The following ACVR2A variants were observed in gnomAD, a reference collection of about 807,000 sequenced individuals.
ACVR2A encodes activin A receptor type 2A, also known as activin receptor type-2A.
In ACVR2A, 7 loss-of-function variants were observed where a neutral mutation model predicts 61.4. The observed-to-expected ratio is 0.11, with a 90% CI of 0.06 to 0.21. The LOEUF is 0.21. ACVR2A is among the 10% of genes least tolerant of loss of function. The probability of loss-of-function intolerance (pLI) is 1.00; values close to 1 mark genes in which losing one functional copy is unlikely to be tolerated. For synonymous variants in ACVR2A, 193 were observed against 208.3 expected, an observed-to-expected ratio of 0.93 and a Z score of 0.63; for missense variants, 322 against 621.7, an observed-to-expected ratio of 0.52 and a Z score of 5.13.
rs1687441835 is a variant in ACVR2A at position 147,923,835 on chromosome 2, T to C, written c.1216+724T>C. ...TCTTAAGTTCTAATTTATAATTGCC[T>C]AAAAACTTCCTGTGATTGTCAAAGA... On this transcript the variant is annotated intron_variant, in intron 9 of 10. Transcript: ENST00000241416. Among the ~76,000 whole-genome samples, 2 of 152,116 alleles carry C rather than the reference T, an allele frequency of 1.3e-5. 1 individual carries two copies. Among genetic ancestry groups the C allele is most frequent in the South Asian group, 4.1e-4 (2 of 4,828 alleles).
chr2:147,874,148 T>C lies in ACVR2A; in HGVS notation c.56-22153T>C, dbSNP rs192662384. ...AGTGAAATAAGATAGGACCTAGTGA[T>C]AGGGACTTTGGTCACAGTATATAAG... On this transcript the variant is annotated intron_variant, in intron 1 of 10. Coordinates refer to ENST00000241416, the MANE Select transcript of ACVR2A (RefSeq NM_001616.5). 3.3e-5 allele frequency among the ~76,000 whole-genome samples: 5 copies of C among 152,010 alleles called. No homozygotes were observed. The East Asian group carries it at 9.6e-4, about 29-fold the overall frequency.
chr2:147,878,746 A>G (rs1306711129), intron 1 of ACVR2A, among the ~76,000 whole-genome samples: 1 of 151,848 alleles, frequency 6.6e-6, no homozygotes, highest in Non-Finnish European at 1.5e-5. Flanking sequence ...CTGTCTCTAC[A>G]AAAAAATACA....
intron 7 of ACVR2A, among the ~76,000 whole-genome samples, chr2:147,919,767 A>G (rs936947729): frequency 4.6e-5 from 7 of 152,182 alleles, no homozygotes; most frequent in Non-Finnish European, 8.8e-5. Context: ...GTGGAAGAAT[A>G]TAAGAACCTC....
chr2:147,847,975 TG>T (rs1227678148), intron 1 of ACVR2A, among the ~76,000 whole-genome samples: 3 of 152,312 alleles, frequency 2.0e-5, no homozygotes, highest in African/African-American at 7.2e-5. Flanking sequence ...AGAATTCCTT[TG>T]GATTTTGTGG....
At chr2:147,908,672 T>C (rs1687046568) in intron 4 of ACVR2A, among the ~76,000 whole-genome samples, 1 of 152,158 alleles carries the variant, frequency 6.6e-6, no homozygotes, top group Non-Finnish European at 1.5e-5. Context: ...TTTAAAATGG[T>C]AAAATTTCTT....
intron 7 of ACVR2A, among the ~76,000 whole-genome samples, chr2:147,919,222 C>CTTAGCTGAGTGCCACCA (rs1364347974): frequency 5.9e-5 from 9 of 152,140 alleles, no homozygotes; most frequent in Admixed American, 5.9e-4. Flanking sequence ...AGAACAGATA[C>CTTAGCTGAGTGCCACCA]TTAGCTGAGT....
chr2:147,921,351 C>T (rs773698372), intron 8 of ACVR2A, among the ~76,000 whole-genome samples: 1 of 152,114 alleles, frequency 6.6e-6, no homozygotes, highest in East Asian at 1.9e-4. Context: ...ACCTTTTAAT[C>T]AGGGAAACCA....
chr2:147,870,406 C>T (rs1021280022), intron 1 of ACVR2A, among the ~76,000 whole-genome samples: 1 of 152,058 alleles, frequency 6.6e-6, no homozygotes, highest in African/African-American at 2.4e-5. Context: ...GTATACCTTG[C>T]CACAATGCTG....
chr2:147,849,178 C>T (rs1209857843), intron 1 of ACVR2A, among the ~76,000 whole-genome samples: 3 of 152,076 alleles, frequency 2.0e-5, no homozygotes, highest in Non-Finnish European at 4.4e-5. Context: ...ACTGCATGTT[C>T]CTGGACATAA....
chr2:147,851,566 A>G (rs13028411), intron 1 of ACVR2A, among the ~76,000 whole-genome samples: 50,072 of 151,882 alleles, frequency 0.33, 8,518 homozygotes, highest in East Asian at 0.52. Flanking sequence ...CTTTGTACAT[A>G]TTACTCTTCC....
At chr2:147,870,002 TAA>T (rs1359722426) in intron 1 of ACVR2A, among the ~76,000 whole-genome samples, 5 of 148,334 alleles carry the variant, frequency 3.4e-5, no homozygotes, top group Admixed American at 6.8e-5. Context: ...AATGTCAGAG[TAA>T]AAGAGTTGGA....
At position 147,868,372 on chromosome 2, in the gene ACVR2A, A is replaced by AG. The variant is rs1211368909; in HGVS notation, c.55+23165_55+23166insG. Among the ~76,000 whole-genome samples the AG allele has an allele frequency of 6.6e-5, 10 of 152,314 alleles. No individual in the cohort carries two copies. In the East Asian group the frequency reaches 1.9e-3, roughly 29 times the overall value. ...GAAGAAGTGGAAAATGTAATGGCAGATAACGTTAGAAAAATAAGTTGGGCA... is the reference window on the plus strand; with the variant it reads ...GAAGAAGTGGAAAATGTAATGGCAGAGTAACGTTAGAAAAATAAGTTGGGCA... On this transcript the variant is annotated intron_variant, in intron 1 of 10. Transcript: ENST00000241416.
intron 1 of ACVR2A, among the ~76,000 whole-genome samples, chr2:147,863,268 A>G (rs927856274): frequency 6.6e-6 from 1 of 152,198 alleles, no homozygotes; most frequent in Non-Finnish European, 1.5e-5. Context: ...ATGATGTGGT[A>G]AAAACTGCTG....
chr2:147,884,984 A>C (rs185154900), intron 1 of ACVR2A, among the ~76,000 whole-genome samples: 217 of 152,236 alleles, frequency 1.4e-3, no homozygotes, highest in African/African-American at 4.9e-3. Flanking sequence ...CTGGTTATTC[A>C]CAACCCTGTT....
chr2:147,905,581 T>A (rs1686970284), intron 4 of ACVR2A, among the ~76,000 whole-genome samples: 1 of 152,096 alleles, frequency 6.6e-6, no homozygotes, highest in Non-Finnish European at 1.5e-5. Context: ...GGTGTGTGTA[T>A]GTGTATGTCT....
chr2:147,851,619 G>C (rs1426098576), intron 1 of ACVR2A, among the ~76,000 whole-genome samples: 1 of 152,066 alleles, frequency 6.6e-6, no homozygotes, highest in Non-Finnish European at 1.5e-5. Context: ...AGACTGAGAA[G>C]TATCACCTCT....
chr2:147,924,432 G>A (rs1201656378), intron 9 of ACVR2A, among the ~76,000 whole-genome samples: 1 of 151,974 alleles, frequency 6.6e-6, no homozygotes, highest in African/African-American at 2.4e-5. Context: ...TTCAATAAAT[G>A]TTTCTGGGTT....
At chr2:147,862,322 T>C (rs1178361850) in intron 1 of ACVR2A, among the ~76,000 whole-genome samples, 1 of 152,108 alleles carries the variant, frequency 6.6e-6, no homozygotes, top group East Asian at 1.9e-4. Context: ...CTTGGCTAGC[T>C]TGATGTTGTA....
At chr2:147,881,656 T>C (rs1354619210) in intron 1 of ACVR2A, among the ~76,000 whole-genome samples, 1 of 148,342 alleles carries the variant, frequency 6.7e-6, no homozygotes, top group Non-Finnish European at 1.5e-5. Context: ...TGTGTGTGTG[T>C]GTGTGGTTTT....
Sources: allele counts gnomAD v4.1 joint callset (sites outside exome capture counted in the v4.1 genomes callset), GRCh38; gene constraint gnomAD v4.1.1; transcripts MANE v1.5; gene names NCBI Gene and HGNC (gene_info 2026-07-23, HGNC 2026-07-21).